The following KLHL22 variants were observed in gnomAD, a reference collection of about 807,000 sequenced individuals.
KLHL22 encodes kelch-like protein 22.
Under a neutral mutation model 60.7 loss-of-function variants are expected in KLHL22, and 18 were observed. The ratio of observed to expected loss-of-function variants is 0.30; its 90% CI spans 0.20 to 0.44. KLHL22 has a LOEUF of 0.44. Ranked by LOEUF, KLHL22 falls within the 20% of genes least tolerant of loss-of-function variation. The pLI is 1.00. For missense variants in KLHL22, 596 were observed against 852.3 expected, an observed-to-expected ratio of 0.70 and a Z score of 3.74; for synonymous variants, 355 against 354.5, an observed-to-expected ratio of 1.00 and a Z score of -0.01.
intron 2 of KLHL22, chr22:20,483,363 G>A: frequency 8.0e-6 from 6 of 753,494 alleles, no homozygotes; most frequent in Non-Finnish European, 1.2e-5. Context: ...TGTCTGCCAC[G>A]ATCTTGGCAA....
intron 5 of KLHL22, among the ~76,000 whole-genome samples, chr22:20,449,025 T>A (rs2052929132): frequency 6.6e-6 from 1 of 151,476 alleles, no homozygotes; most frequent in Non-Finnish European, 1.5e-5. Flanking sequence ...TTTCTTCAAC[T>A]CTTTTGCCTT....
intron 3 of KLHL22, 92 bp downstream of exon 3, chr22:20,471,258 C>T: frequency 7.9e-7 from 1 of 1,262,248 alleles, no homozygotes; most frequent in Non-Finnish European, 1.1e-6. Context: ...GACCCATCTT[C>T]AAGCCAATGC....
At chr22:20,470,283 A>G (rs2053293675) in intron 3 of KLHL22, among the ~76,000 whole-genome samples, 1 of 151,558 alleles carries the variant, frequency 6.6e-6, no homozygotes, top group African/African-American at 2.4e-5. Flanking sequence ...TAGGAGGTGG[A>G]GGCTACAGTG....
chr22:20,444,539 G>A (rs1426773560), intron 6 of KLHL22, among the ~76,000 whole-genome samples: 1 of 152,142 alleles, frequency 6.6e-6, no homozygotes, highest in Non-Finnish European at 1.5e-5. Context: ...TCGTAACACA[G>A]CGTTCCCAGG....
At chr22:20,447,692 G>A (rs1355774941) in intron 5 of KLHL22, among the ~76,000 whole-genome samples, 2 of 151,878 alleles carry the variant, frequency 1.3e-5, no homozygotes, top group African/African-American at 2.4e-5. Flanking sequence ...ATAGGCGCCC[G>A]CCACCATACC....
At chr22:20,470,182 AT>A (rs754915719) in intron 3 of KLHL22, among the ~76,000 whole-genome samples, 34 of 143,100 alleles carry the variant, frequency 2.4e-4, no homozygotes, top group South Asian at 6.5e-4. Flanking sequence ...CTATAAAAAA[AT>A]ATATATATAT....
At chr22:20,460,646 A>AAAAAAAAAAAAAAAT (rs2053139869) in intron 4 of KLHL22, among the ~76,000 whole-genome samples, 1 of 110,238 alleles carries the variant, frequency 9.1e-6, no homozygotes. Flanking sequence ...AAAAAAAAAA[A>AAAAAAAAAAAAAAAT]AGACACCAAC....
At chr22:20,483,837 C>T (rs905745366) in intron 2 of KLHL22, 32 of 732,954 alleles carry the variant, frequency 4.4e-5, no homozygotes, top group African/African-American at 6.9e-5. Flanking sequence ...GGAGGCCAGG[C>T]GGTCATTCAG....
chr22:20,452,775 C>T (rs1173976725), intron 5 of KLHL22, among the ~76,000 whole-genome samples: 2 of 152,188 alleles, frequency 1.3e-5, no homozygotes, highest in East Asian at 1.9e-4. Flanking sequence ...TACACTATTA[C>T]ACTTCCACAC....
intron 2 of KLHL22, among the ~76,000 whole-genome samples, chr22:20,476,213 C>T (rs2053409439): frequency 6.6e-6 from 1 of 152,096 alleles, no homozygotes; most frequent in African/African-American, 2.4e-5. Flanking sequence ...TGGCCAAGCC[C>T]TCGGGGCACT....
intron 2 of KLHL22, among the ~76,000 whole-genome samples, chr22:20,472,073 C>T (rs1259361703): frequency 6.6e-6 from 1 of 151,692 alleles, no homozygotes; most frequent in African/African-American, 2.4e-5. Context: ...ATGGTGAAAC[C>T]GCGTCTCTAC....
Position 20,441,736 on chromosome 22 carries a change from C to T in KLHL22, c.*337G>A. The T allele has an allele frequency of 4.0e-6, 1 of 252,596 alleles. No homozygotes were observed. 15.6% of individuals were successfully genotyped at this position (252,596 alleles called of 1,614,324 possible). A position where few individuals can be genotyped will look rare whatever the true frequency, so the allele number is the denominator to read the frequency against. On this transcript the variant is annotated 3_prime_UTR_variant, in exon 7 of 7. Coordinates refer to ENST00000328879, the MANE Select transcript of KLHL22 (RefSeq NM_032775.4). ...AGGGCTACCACGTGCCTCAGCCCCC[C>T]TGCCCAGGCTGCCAGCTCCCAGGTC...
At chr22:20,459,330 C>T (rs538201254) in intron 4 of KLHL22, among the ~76,000 whole-genome samples, 3 of 152,268 alleles carry the variant, frequency 2.0e-5, no homozygotes, top group East Asian at 1.9e-4. Context: ...GTGGCCAGCC[C>T]CTCCCCGCCG....
chr22:20,464,970 A>G lies in KLHL22; in HGVS notation c.1000T>C (p.Ser334Pro). The change falls in exon 4 of 7, where the codon TCC (serine) becomes CCC (proline). Residue 334 changes from serine to proline, a missense_variant. Coordinates refer to ENST00000328879, the MANE Select transcript of KLHL22 (RefSeq NM_032775.4). The stretch of plus-strand genomic sequence containing the variant: ...TGGTTGGACATGCGGGGGGCCAGGG[A>G]GGCAGTGAAGTGCTTCCACTCTCCC... ...LLGEWKHFTA[S>P]LAPRMSNQGI... 1.9e-6 allele frequency: 3 copies of G among 1,610,334 alleles called. No homozygotes were observed. The highest frequency in any genetic ancestry group is 2.5e-6 in the Non-Finnish European group (3 of 1,178,136).
intron 3 of KLHL22, among the ~76,000 whole-genome samples, chr22:20,470,183 T>A (rs9611669): frequency 0.7 from 104,544 of 149,714 alleles, 37,476 homozygotes; most frequent in Middle Eastern, 0.81. Flanking sequence ...TATAAAAAAA[T>A]ATATATATAT....
At chr22:20,481,033 A>C (rs903013093) in intron 2 of KLHL22, 1 of 151,308 alleles carries the variant, frequency 6.6e-6, no homozygotes, top group Non-Finnish European at 1.5e-5. Flanking sequence ...GGGTTTCACC[A>C]TGTTAGCCAG....
At chr22:20,488,744 AAAGG>A in intron 2 of KLHL22, 1 of 573,270 alleles carries the variant, frequency 1.7e-6, no homozygotes, top group Non-Finnish European at 3.1e-6. Context: ...AAGGAAAAGA[AAAGG>A]AAGAGAAGAG....
intron 6 of KLHL22, among the ~76,000 whole-genome samples, chr22:20,443,600 A>G (rs547891120): frequency 2.8e-4 from 43 of 152,246 alleles, no homozygotes; most frequent in African/African-American, 9.4e-4. Context: ...TCAGCTGGGC[A>G]TGGTGGCACA....
chr22:20,475,552 C>T (rs1216035169), intron 2 of KLHL22, among the ~76,000 whole-genome samples: 1 of 151,720 alleles, frequency 6.6e-6, no homozygotes, highest in Non-Finnish European at 1.5e-5. Flanking sequence ...GTCGTCTTCC[C>T]TCCTTCCTCT....
Sources: gnomAD v4.1 joint callset for allele counts (sites outside exome capture counted in the v4.1 genomes callset) on GRCh38, gnomAD v4.1.1 for gene constraint, MANE v1.5 for transcripts, NCBI Gene and HGNC (gene_info 2026-07-23, HGNC 2026-07-21) for gene names.